CDK5: variants seen among roughly 807,000 people sequenced by gnomAD.
The protein encoded by CDK5 is cyclin dependent kinase 5, also known as cyclin-dependent kinase 5.
Under a neutral mutation model 44.6 loss-of-function variants are expected in CDK5, and 18 were observed. The observed-to-expected ratio is 0.40, with a 90% CI of 0.28 to 0.60. The LOEUF (loss-of-function observed/expected upper bound fraction) is 0.60. Ranked by LOEUF, CDK5 falls within the 20% of genes least tolerant of loss-of-function variation. The probability of loss-of-function intolerance (pLI) is 0.38; values close to 1 mark genes in which losing one functional copy is unlikely to be tolerated. For synonymous variants in CDK5, 143 were observed against 152.8 expected (o/e 0.94, Z 0.47); for missense variants, 198 against 368.1 (o/e 0.54, Z 3.78).
Position 151,054,021 on chromosome 7 carries a change from G to T in CDK5, c.867C>A (p.Phe289Leu). Reference protein sequence around the residue: ...EALQHPYFSDFCPP With the variant: ...EALQHPYFSDLCPP The stretch of plus-strand genomic sequence containing the variant: ...GGGGTCCCGGGGCCTAGGGCGGACA[G>T]AAGTCGGAGAAGTAGGGGTGCTGCA... The change falls in exon 12 of 12, where the codon TTC (phenylalanine) becomes TTA (leucine). Residue 289 changes from phenylalanine to leucine, a missense_variant. Around this residue, in one of 4 missense-constraint regions of CDK5, gnomAD observed 81 missense variants for 102.1 expected, o/e 0.79. Transcript: ENST00000485972. This position sits in a 1 kb window ranked among gnomAD's most constrained non-coding sequence, Gnocchi z 5.7. The T allele has an allele frequency of 1.3e-6, 2 of 1,594,306 alleles. No homozygotes were observed. Among genetic ancestry groups the T allele is most frequent in the Non-Finnish European group, 1.7e-6 (2 of 1,170,940 alleles).
In CDK5 at chr7:151,057,044, C is replaced by CA; in HGVS notation, c.126+27dup. 6.2e-7 allele frequency: 1 copy of CA among 1,613,402 alleles called. No homozygotes were observed. Among genetic ancestry groups the CA allele is most frequent in the Non-Finnish European group, 8.5e-7 (1 of 1,179,328 alleles). The stretch of plus-strand genomic sequence containing the variant: ...CAGCCCAGGCCCTCAAACCCCTCCC[C>CA]AGGCCGTATCCCACTCCCCAGTCCT... On this transcript the variant is annotated intron_variant, in intron 2 of 11. Coordinates refer to ENST00000485972, the MANE Select transcript of CDK5 (RefSeq NM_004935.4). The surrounding 1 kb of genome is among the most constrained non-coding windows in gnomAD (Gnocchi z 5.2).
Position 151,057,867 on chromosome 7 carries a change from C to G in CDK5, c.-19G>C. 1 of 1,604,758 alleles carries G rather than the reference C, an allele frequency of 6.2e-7. No individual in the cohort carries two copies. Among genetic ancestry groups the G allele is most frequent in the South Asian group, 1.1e-5 (1 of 89,574 alleles). ...TCTGCATCGCGGCGGCCGCGGGGAC[C>G]CCTGCGGGCCCTCGGTTTTAAGACT... On this transcript the variant is annotated 5_prime_UTR_variant, in exon 1 of 12. Coordinates refer to ENST00000485972, the MANE Select transcript of CDK5 (RefSeq NM_004935.4). The surrounding 1 kb of genome is among the most constrained non-coding windows in gnomAD (Gnocchi z 5.2).
At position 151,054,819 on chromosome 7, in the gene CDK5, C is replaced by T. The variant is rs867476872; in HGVS notation, c.650+208G>A. ...CGGCTTCACCCCTCAGGGCACGCTG[C>T]CTGTCTCCAAGCCACACCTTCTCCA... is the stretch of plus-strand genomic sequence containing the variant. On this transcript the variant is annotated intron_variant, in intron 9 of 11. Coordinates refer to ENST00000485972, the MANE Select transcript of CDK5 (RefSeq NM_004935.4). This position sits in a 1 kb window ranked among gnomAD's most constrained non-coding sequence, Gnocchi z 5.7. 6.6e-6 allele frequency among the ~76,000 whole-genome samples: 1 copy of T among 152,172 alleles called. No homozygotes were observed. Among genetic ancestry groups the T allele is most frequent in the African/African-American group, 2.4e-5 (1 of 41,444 alleles).
At position 151,057,733 on chromosome 7, in the gene CDK5, G is replaced by A. The variant is rs1458393533; in HGVS notation, c.37+79C>T. The A allele has an allele frequency of 1.2e-5, 18 of 1,489,370 alleles. No homozygotes were observed. The East Asian group carries it at 3.6e-4, about 30-fold the overall frequency. The allele number at this position is 1,489,370 out of a possible 1,614,324, so 92.3% of individuals were successfully genotyped here. ...ATCGGAGCCTGTAGGCATTGCTGACGGTAAGGGAGCCAGGGCTTCAAGGAA... is the reference window on the plus strand; with the variant it reads ...ATCGGAGCCTGTAGGCATTGCTGACAGTAAGGGAGCCAGGGCTTCAAGGAA... On this transcript the variant is annotated intron_variant, in intron 1 of 11. Coordinates refer to ENST00000485972, the MANE Select transcript of CDK5 (RefSeq NM_004935.4). The surrounding 1 kb of genome is among the most constrained non-coding windows in gnomAD (Gnocchi z 5.2).
Position 151,057,882 on chromosome 7 carries a change from G to A in CDK5, c.-34C>T. On this transcript the variant is annotated 5_prime_UTR_variant, in exon 1 of 12. Coordinates refer to ENST00000485972, the MANE Select transcript of CDK5 (RefSeq NM_004935.4). This position sits in a 1 kb window ranked among gnomAD's most constrained non-coding sequence, Gnocchi z 5.2. ...CCGCGGGGACCCCTGCGGGCCCTCG[G>A]TTTTAAGACTCTGGCCCCGGCGTTG... 1.3e-6 allele frequency: 2 copies of A among 1,592,486 alleles called. No homozygotes were observed. Among genetic ancestry groups the A allele is most frequent in the Middle Eastern group, 1.8e-4 (1 of 5,682 alleles).
At position 151,054,596 on chromosome 7, in the gene CDK5, T is replaced by G. The variant is rs1002901213; in HGVS notation, c.651-131A>C. On this transcript the variant is annotated intron_variant, in intron 9 of 11. Coordinates refer to ENST00000485972, the MANE Select transcript of CDK5 (RefSeq NM_004935.4). The surrounding 1 kb of genome is among the most constrained non-coding windows in gnomAD (Gnocchi z 5.7). ...CCCACTTCTCACCCTCCCTTTACCCTCCGGCTTGAGCTTGACAGAAGCAGC... is the reference window on the plus strand; with the variant it reads ...CCCACTTCTCACCCTCCCTTTACCCGCCGGCTTGAGCTTGACAGAAGCAGC... 13 of 856,368 alleles carry G rather than the reference T, an allele frequency of 1.5e-5. No individual in the cohort carries two copies. Among genetic ancestry groups the G allele is most frequent in the Non-Finnish European group, 1.8e-5 (10 of 560,480 alleles). 53.0% of individuals were successfully genotyped at this position (856,368 alleles called of 1,614,324 possible). A position where few individuals can be genotyped will look rare whatever the true frequency, so the allele number is the denominator to read the frequency against.
Position 151,056,650 on chromosome 7 carries a change from T to C in CDK5, c.256-14A>G, listed in dbSNP as rs1796900153. The C allele has an allele frequency of 6.2e-7, 1 of 1,612,294 alleles. No homozygotes were observed. The highest frequency in any genetic ancestry group is 8.5e-7 in the Non-Finnish European group (1 of 1,179,084). On this transcript the variant is annotated splice_polypyrimidine_tract_variant and intron_variant, in intron 4 of 11. Transcript: ENST00000485972. This position sits in a 1 kb window ranked among gnomAD's most constrained non-coding sequence, Gnocchi z 4.7. ...CTTCTTCAGGTCCTGAAAAGGGATATGAGTGGGGGAATGGGACAGAGTTTA... is the reference window on the plus strand; with the variant it reads ...CTTCTTCAGGTCCTGAAAAGGGATACGAGTGGGGGAATGGGACAGAGTTTA...
At position 151,056,841 on chromosome 7, in the gene CDK5, C is replaced by A. The variant is rs1490544786; in HGVS notation, c.195-45G>T. On this transcript the variant is annotated intron_variant, in intron 3 of 11. Transcript: ENST00000485972. This position sits in a 1 kb window ranked among gnomAD's most constrained non-coding sequence, Gnocchi z 4.7. ...CAGCCAGGCAGGTCCGCCTGACAGA[C>A]GTCCAGTGTCAGCCCCCGCCTCCCC... 1.3e-6 allele frequency: 2 copies of A among 1,596,884 alleles called. No homozygotes were observed. Among genetic ancestry groups the A allele is most frequent in the Non-Finnish European group, 8.5e-7 (1 of 1,171,724 alleles).
At position 151,057,825 on chromosome 7, in the gene CDK5, T is replaced by G. The variant is rs754375531; in HGVS notation, c.24A>C (p.Glu8Asp). The change falls in exon 1 of 12, where the codon GAA becomes GAC. Residue 8 changes from glutamate (E) to aspartate (D), a missense_variant. Glu to Asp is a conservative substitution (Grantham distance 45). This residue lies in a region of CDK5 where 53 missense variants were observed against 122.7 expected (regional missense o/e 0.43). Transcript: ENST00000485972. The surrounding 1 kb of genome is among the most constrained non-coding windows in gnomAD (Gnocchi z 5.2). Reference protein sequence around the residue: MQKYEKLEKIGEGTYGTV... With the variant: MQKYEKLDKIGEGTYGTV... ...AGATTCCATTACCTTCCCCAATCTT[T>G]TCCAGTTTCTCGTATTTCTGCATCG... 3.7e-6 allele frequency: 6 copies of G among 1,611,914 alleles called. No homozygotes were observed. In the Admixed American group the frequency reaches 1.0e-4, roughly 27 times the overall value.
Position 151,054,057 on chromosome 7 carries a change from T to G in CDK5, c.831A>C (p.Ala277=). The G allele has an allele frequency of 6.2e-7, 1 of 1,602,816 alleles. No homozygotes were observed. The highest frequency in any genetic ancestry group is 1.3e-5 in the African/African-American group (1 of 74,860). Residue 277 remains alanine (A), a synonymous_variant, in exon 12 of 12, where the codon GCA becomes GCC. Coordinates refer to ENST00000485972, the MANE Select transcript of CDK5 (RefSeq NM_004935.4). The surrounding 1 kb of genome is among the most constrained non-coding windows in gnomAD (Gnocchi z 5.7). The stretch of plus-strand genomic sequence containing the variant: ...AGTAGGGGTGCTGCAGGGCCTCTTC[T>G]GCTGAGATACGCTGGACAGGGTTAC... ...LKCNPVQRIS[A]EEALQHPYFS... is the part of the protein sequence containing the mutation.
Position 151,057,331 on chromosome 7 carries a change from A to G in CDK5, c.38-171T>C, listed in dbSNP as rs1796919897. 1 of 662,032 alleles carries G rather than the reference A, an allele frequency of 1.5e-6. No homozygotes were observed. Among genetic ancestry groups the G allele is most frequent in the African/African-American group, 1.8e-5 (1 of 56,240 alleles). The allele number at this position is 662,032 out of a possible 1,614,324, so 41.0% of individuals were successfully genotyped here. ...AGGATGTGGCAGGTGGGGAGGGAGG[A>G]GAAGGTGCCCACCGAGGCTCCAGGG... On this transcript the variant is annotated intron_variant, in intron 1 of 11. Transcript: ENST00000485972. This position sits in a 1 kb window ranked among gnomAD's most constrained non-coding sequence, Gnocchi z 5.2.
chr7:151,056,685 T>G lies in CDK5; in HGVS notation c.256-49A>C. 1 of 1,611,350 alleles carries G rather than the reference T, an allele frequency of 6.2e-7. No homozygotes were observed. Among genetic ancestry groups the G allele is most frequent in the Non-Finnish European group, 8.5e-7 (1 of 1,178,506 alleles). ...AATGGGACAGAGTTTAACCTCAATC[T>G]GGGCCCCTATACCTTCCCAAGGCTA... On this transcript the variant is annotated intron_variant, in intron 4 of 11. Transcript: ENST00000485972. This position sits in a 1 kb window ranked among gnomAD's most constrained non-coding sequence, Gnocchi z 4.7.
intron 5 of CDK5, 37 bp from the exon 6 acceptor site, chr7:151,055,885 G>A (rs1190233177): frequency 4.9e-6 from 7 of 1,425,998 alleles, no homozygotes; most frequent in African/African-American, 1.4e-5. Flanking sequence ...CAGACGCCCT[G>A]AACATGCAAC....
rs1796923537 is a variant in CDK5, at chr7:151,057,473, G to A, written c.38-313C>T. 1 of 589,132 alleles carries A rather than the reference G, an allele frequency of 1.7e-6. No individual in the cohort carries two copies. Among genetic ancestry groups the A allele is most frequent in the African/African-American group, 1.9e-5 (1 of 53,680 alleles). 36.5% of individuals were successfully genotyped at this position (589,132 alleles called of 1,614,324 possible). ...TCTGGGAGAGGACTGAGGGGCTGCA[G>A]AAATATTGAGGTTGGAGGTCTGCAG... On this transcript the variant is annotated intron_variant, in intron 1 of 11. Transcript: ENST00000485972. This position sits in a 1 kb window ranked among gnomAD's most constrained non-coding sequence, Gnocchi z 5.2.
chr7:151,055,879 C>T (rs773722553), intron 5 of CDK5, 31 bp from the exon 6 acceptor site: 26 of 1,479,422 alleles, frequency 1.8e-5, no homozygotes, highest in South Asian at 9.5e-5. Context: ...GGGAGTCAGA[C>T]GCCCTGAACA....
chr7:151,054,571 C>G lies in CDK5; in HGVS notation c.651-106G>C. 1 of 1,083,502 alleles carries G rather than the reference C, an allele frequency of 9.2e-7. No homozygotes were observed. Among genetic ancestry groups the G allele is most frequent in the South Asian group, 1.5e-5 (1 of 65,432 alleles). The allele number at this position is 1,083,502 out of a possible 1,614,324, so 67.1% of individuals were successfully genotyped here. ...GGGGAGGGATTCCTCATACCCACCG[C>G]CCACTTCTCACCCTCCCTTTACCCT... On this transcript the variant is annotated intron_variant, in intron 9 of 11. Transcript: ENST00000485972. This position sits in a 1 kb window ranked among gnomAD's most constrained non-coding sequence, Gnocchi z 5.7.
In CDK5 at chr7:151,057,750, T is replaced by C; in HGVS notation, c.37+62A>G. 1 of 1,557,388 alleles carries C rather than the reference T, an allele frequency of 6.4e-7. No individual in the cohort carries two copies. The highest frequency in any genetic ancestry group is 1.2e-5 in the South Asian group (1 of 86,458). On this transcript the variant is annotated intron_variant, in intron 1 of 11. Transcript: ENST00000485972. The surrounding 1 kb of genome is among the most constrained non-coding windows in gnomAD (Gnocchi z 5.2). ...TTGCTGACGGTAAGGGAGCCAGGGC[T>C]TCAAGGAATGCCGAAGGATCTGCAG...
In CDK5 at chr7:151,054,964, G is replaced by T; in HGVS notation, c.650+63C>A. On this transcript the variant is annotated intron_variant, in intron 9 of 11. Transcript: ENST00000485972. The surrounding 1 kb of genome is among the most constrained non-coding windows in gnomAD (Gnocchi z 5.7). ...CACACCATCACTGCCCTCACCCATT[G>T]TGCTCAAAACTCCATGGACTCTCCC... 1.3e-6 allele frequency: 2 copies of T among 1,526,934 alleles called. No homozygotes were observed. Among genetic ancestry groups the T allele is most frequent in the African/African-American group, 1.4e-5 (1 of 73,306 alleles). 94.6% of individuals were successfully genotyped at this position (1,526,934 alleles called of 1,614,324 possible). A position where few individuals can be genotyped will look rare whatever the true frequency, so the allele number is the denominator to read the frequency against.
Position 151,055,812 on chromosome 7 carries a change from A to C in CDK5, c.349T>G (p.Cys117Gly). 1 of 1,612,172 alleles carries C rather than the reference A, an allele frequency of 6.2e-7. No individual in the cohort carries two copies. The highest frequency in any genetic ancestry group is 8.5e-7 in the Non-Finnish European group (1 of 1,179,050). ...CTGTGTAGCACATTGCGGCTATGAC[A>C]GAATCCCAGCCCTTTTAGTAGCTGG... ...LFQLLKGLGF[C>G]HSRNVLHRDL... The change falls in exon 6 of 12, where the codon TGT becomes GGT. Residue 117 changes from cysteine to glycine, a missense_variant. Transcript: ENST00000485972.
Sources: allele counts gnomAD v4.1 joint callset (sites outside exome capture counted in the v4.1 genomes callset), GRCh38; gene constraint gnomAD v4.1.1; regional missense constraint gnomAD v4.1.1; non-coding constraint Gnocchi (gnomAD v3.1); transcripts MANE v1.5; gene names NCBI Gene and HGNC (gene_info 2026-07-23, HGNC 2026-07-21).